The following TSNARE1 variants were observed in gnomAD, a reference collection of about 807,000 sequenced individuals.
The protein encoded by TSNARE1 is t-SNARE domain-containing protein 1.
In TSNARE1, 49 loss-of-function variants were observed where a neutral mutation model predicts 62.0. The ratio of observed to expected loss-of-function variants is 0.79; its 90% CI spans 0.63 to 1.00. The LOEUF (loss-of-function observed/expected upper bound fraction) is 1.00, where lower values mean the gene tolerates loss of function less well. TSNARE1 is among the 50% of genes least tolerant of loss of function. The probability of loss-of-function intolerance (pLI) is 0.00; values close to 1 mark genes in which losing one functional copy is unlikely to be tolerated. For missense variants in TSNARE1, 755 were observed against 700.1 expected, an observed-to-expected ratio of 1.08 and a Z score of -0.88; for synonymous variants, 328 against 294.4, an observed-to-expected ratio of 1.11 and a Z score of -1.17.
chr8:142,386,387 C>G (rs2131297782), intron 1 of TSNARE1, among the ~76,000 whole-genome samples: 1 of 152,150 alleles, frequency 6.6e-6, no homozygotes, highest in Admixed American at 6.5e-5. Context: ...TATAGACTCT[C>G]TTCAATATAA....
In TSNARE1 at chr8:142,345,788, G is replaced by A; in HGVS notation, c.193C>T (p.Leu65=). The A allele has an allele frequency of 6.2e-7, 1 of 1,613,700 alleles. No individual in the cohort carries two copies. Among genetic ancestry groups the A allele is most frequent in the Non-Finnish European group, 8.5e-7 (1 of 1,179,800 alleles). Residue 65 remains leucine, a synonymous_variant, in exon 3 of 14, where the codon CTG becomes TTG. Coordinates refer to ENST00000524325, the MANE Select transcript of TSNARE1 (RefSeq NM_145003.5). ...RCVGKDGEGD[L]GPAGTPIVPR... ...ACAATAGGCGTGCCTGCTGGCCCCA[G>A]ATCACCTTCCCCGTCCTTCCCCACA...
At chr8:142,345,957 C>G in intron 2 of TSNARE1, 65 bp from the exon 3 acceptor site, 2 of 1,559,630 alleles carry the variant, frequency 1.3e-6, no homozygotes, top group Non-Finnish European at 1.7e-6. Flanking sequence ...GTGCCAGGCC[C>G]CCATGCACGG....
chr8:142,328,137 T>C (rs1304326789), intron 6 of TSNARE1, among the ~76,000 whole-genome samples: 3 of 151,682 alleles, frequency 2.0e-5, no homozygotes, highest in South Asian at 2.1e-4. Context: ...AAAGAATATA[T>C]CATAGGTGTT....
intron 6 of TSNARE1, among the ~76,000 whole-genome samples, chr8:142,330,659 C>T (rs1042454776): frequency 3.9e-5 from 6 of 152,218 alleles, no homozygotes; most frequent in East Asian, 1.9e-4. Context: ...TACGTCGGGG[C>T]GGGGTGCACC....
chr8:142,239,720 T>A (rs1236906466), intron 12 of TSNARE1, among the ~76,000 whole-genome samples: 2 of 152,070 alleles, frequency 1.3e-5, no homozygotes, highest in African/African-American at 4.8e-5. Context: ...GCGAGTCACG[T>A]TAAATACGTG....
intron 1 of TSNARE1, among the ~76,000 whole-genome samples, chr8:142,383,288 A>C (rs1338844629): frequency 2.6e-5 from 4 of 152,220 alleles, no homozygotes; most frequent in Non-Finnish European, 2.9e-5. Flanking sequence ...AGGCCAGGGC[A>C]GGGCACAGAG....
chr8:142,351,050 T>C (rs969432525), intron 2 of TSNARE1, among the ~76,000 whole-genome samples: 1 of 152,210 alleles, frequency 6.6e-6, no homozygotes, highest in African/African-American at 2.4e-5. Context: ...CCTTCTCTTT[T>C]AGAGACACGC....
intron 9 of TSNARE1, among the ~76,000 whole-genome samples, chr8:142,310,269 A>C (rs1216684983): frequency 6.6e-6 from 1 of 152,156 alleles, no homozygotes; most frequent in African/African-American, 2.4e-5. Context: ...CTCGATGTGT[A>C]TGTTACTTCT....
intron 1 of TSNARE1, among the ~76,000 whole-genome samples, chr8:142,364,798 T>C (rs1277750473): frequency 3.3e-5 from 5 of 152,154 alleles, no homozygotes; most frequent in African/African-American, 4.8e-5. Context: ...GTGTAATTCA[T>C]TGAATAAAAT....
In TSNARE1 at chr8:142,318,989, C is replaced by A. The variant is rs1829043682; in HGVS notation, c.894-355G>T. Among the ~76,000 whole-genome samples the A allele has an allele frequency of 1.3e-5, 2 of 151,366 alleles. 1 individual carries two copies. The highest frequency in any genetic ancestry group is 4.2e-4 in the South Asian group (2 of 4,764). On this transcript the variant is annotated intron_variant, in intron 6 of 13. Transcript: ENST00000524325. ...AAGAGACGGGGGAGACGGGCAGACA[C>A]CCAGCAAGAGACGGGGGAGACGGGC...
chr8:142,282,713 A>G (rs1433823989), intron 11 of TSNARE1, among the ~76,000 whole-genome samples: 3 of 146,396 alleles, frequency 2.0e-5, no homozygotes, highest in African/African-American at 7.9e-5. Context: ...AGTGTCTGTC[A>G]ATGAGCGGAG....
At chr8:142,388,295 CAT>C (rs1484783832) in intron 1 of TSNARE1, among the ~76,000 whole-genome samples, 2 of 151,894 alleles carry the variant, frequency 1.3e-5, no homozygotes, top group Non-Finnish European at 2.9e-5. Context: ...AATCCAAAGC[CAT>C]ACTCTGCTTT....
chr8:142,388,550 C>CTTTTTTTTTTTTTT (rs71313221), intron 1 of TSNARE1, among the ~76,000 whole-genome samples: 1 of 67,410 alleles, frequency 1.5e-5, no homozygotes, highest in Non-Finnish European at 2.5e-5. Context: ...AAAACAAAAT[C>CTTTTTTTTTTTTTT]TTTTTTTTTT....
At chr8:142,273,079 G>C (rs1334146981) in intron 12 of TSNARE1, 4 of 985,412 alleles carry the variant, frequency 4.1e-6, no homozygotes, top group Non-Finnish European at 2.4e-6. Flanking sequence ...GTGTCGGGGG[G>C]GCGGTGCCTG....
At position 142,291,832 on chromosome 8, in the gene TSNARE1, G is replaced by C. The variant is rs1823812205; in HGVS notation, c.1291-7347C>G. Among the ~76,000 whole-genome samples the C allele has an allele frequency of 1.3e-5, 2 of 152,086 alleles. No individual in the cohort carries two copies. Among genetic ancestry groups the C allele is most frequent in the African/African-American group, 4.8e-5 (2 of 41,418 alleles). ...GGGTGCTCTGGGCCTCGGGCAATAGGAACCAGGAGCAGGGGTGGCCGGGCC... is the reference window on the plus strand; with the variant it reads ...GGGTGCTCTGGGCCTCGGGCAATAGCAACCAGGAGCAGGGGTGGCCGGGCC... On this transcript the variant is annotated intron_variant, in intron 10 of 13. Coordinates refer to ENST00000524325, the MANE Select transcript of TSNARE1 (RefSeq NM_145003.5). The surrounding 1 kb of genome is among the most constrained non-coding windows in gnomAD (Gnocchi z 4.8).
chr8:142,331,815 C>T lies in TSNARE1; in HGVS notation c.762G>A (p.Pro254=), dbSNP rs140682187. The T allele has an allele frequency of 9.9e-6, 16 of 1,608,458 alleles. No homozygotes were observed. The highest frequency in any genetic ancestry group is 9.0e-5 in the East Asian group (4 of 44,596). ...CCTGGAACAGCTCCTGGAGGTTGCA[C>T]GGATCGACCTGGGTGGCTGGGAGAA... ...LEPPRATQVD[P]CNLQELFQEM... The change falls in exon 5 of 14, where the codon CCG becomes CCA. Residue 254 remains proline (P), a synonymous_variant. Coordinates refer to ENST00000524325, the MANE Select transcript of TSNARE1 (RefSeq NM_145003.5).
chr8:142,261,281 TAGAG>T (rs993237535), intron 12 of TSNARE1, among the ~76,000 whole-genome samples: 1 of 54,576 alleles, frequency 1.8e-5, no homozygotes, highest in Non-Finnish European at 3.5e-5. Flanking sequence ...AGAGAGAGGA[TAGAG>T]GGAGGGAGGA....
At chr8:142,403,255 CGG>C (rs1244960036), upstream of TSNARE1, 2 of 151,594 alleles carry the variant, frequency 1.3e-5, no homozygotes, top group Non-Finnish European at 2.9e-5. Context: ...CGGACGCGCG[CGG>C]GGACTACCCG....
At chr8:142,269,465 C>G (rs1289480214) in intron 12 of TSNARE1, 1 of 985,350 alleles carries the variant, frequency 1.0e-6, no homozygotes, top group Non-Finnish European at 1.2e-6. Flanking sequence ...TACGAGGCCA[C>G]TGTCAGCCGT....
Sources: allele counts gnomAD v4.1 joint callset (sites outside exome capture counted in the v4.1 genomes callset), GRCh38; gene constraint gnomAD v4.1.1; non-coding constraint Gnocchi (gnomAD v3.1); transcripts MANE v1.5; gene names NCBI Gene and HGNC (gene_info 2026-07-23, HGNC 2026-07-21).